BMF: variants seen among roughly 807,000 people sequenced by gnomAD.
The protein encoded by BMF is bcl-2-modifying factor.
BMF carries 10 observed loss-of-function variants against 22.0 expected under a neutral mutation model. The observed-to-expected ratio is 0.45, with a 90% CI of 0.28 to 0.77. BMF has a LOEUF of 0.77. Ranked by LOEUF, BMF falls within the 30% of genes least tolerant of loss-of-function variation. The probability of loss-of-function intolerance (pLI) is 0.13; values close to 1 mark genes in which losing one functional copy is unlikely to be tolerated. For synonymous variants in BMF, 87 were observed against 88.1 expected (o/e 0.99, Z 0.07); for missense variants, 206 against 226.8 (o/e 0.91, Z 0.59).
At chr15:40,100,901 G>GT (rs956453508) in intron 4 of BMF, among the ~76,000 whole-genome samples, 139 of 152,262 alleles carry the variant, frequency 9.1e-4, no homozygotes, top group African/African-American at 3.3e-3. Context: ...ACAAAAAGGG[G>GT]GAGTGCACAC....
intron 3 of BMF, among the ~76,000 whole-genome samples, chr15:40,104,951 T>G (rs906271720): frequency 1.2e-4 from 18 of 152,116 alleles, no homozygotes; most frequent in Non-Finnish European, 2.4e-4. Flanking sequence ...AGTGCACGCG[T>G]TAGAACCACC....
chr15:40,096,177 T>TC (rs1555427850), intron 4 of BMF, among the ~76,000 whole-genome samples: 511 of 147,340 alleles, frequency 3.5e-3, no homozygotes, highest in African/African-American at 0.013. Context: ...TTTTTTTTTT[T>TC]CTCTAAAGAG....
At position 40,103,377 on chromosome 15, in the gene BMF, G is replaced by A. The variant is rs182673252; in HGVS notation, c.453+803C>T. ...TGGCAGCCATCCAGAAAGCCAGCCC[G>A]AAGAGGAAGGGTTAAGTGCCTGGGG... On this transcript the variant is annotated intron_variant, in intron 4 of 4. Coordinates refer to ENST00000354670, the MANE Select transcript of BMF (RefSeq NM_001003940.2). Among the ~76,000 whole-genome samples, 279 of 152,354 alleles carry A rather than the reference G, an allele frequency of 1.8e-3. 1 individual carries two copies. Among genetic ancestry groups the A allele is most frequent in the Admixed American group, 3.3e-3 (51 of 15,308 alleles).
At chr15:40,098,379 G>C (rs2036407955) in intron 4 of BMF, among the ~76,000 whole-genome samples, 1 of 151,456 alleles carries the variant, frequency 6.6e-6, no homozygotes, top group African/African-American at 2.4e-5. Context: ...TTCAAGCTGA[G>C]AACAGCTCCA....
At chr15:40,099,302 G>A (rs1303666802) in intron 4 of BMF, among the ~76,000 whole-genome samples, 1 of 152,226 alleles carries the variant, frequency 6.6e-6, no homozygotes, top group Non-Finnish European at 1.5e-5. Context: ...AATAAACCAT[G>A]CAAACACCAA....
chr15:40,106,145 G>A lies in BMF; in HGVS notation c.-5-54C>T. 6.6e-7 allele frequency: 1 copy of A among 1,517,316 alleles called. No individual in the cohort carries two copies. The highest frequency in any genetic ancestry group is 1.3e-5 in the South Asian group (1 of 77,548). 94.0% of individuals were successfully genotyped at this position (1,517,316 alleles called of 1,614,324 possible). A position where few individuals can be genotyped will look rare whatever the true frequency, so the allele number is the denominator to read the frequency against. On this transcript the variant is annotated intron_variant, in intron 2 of 4. Transcript: ENST00000354670. This position sits in a 1 kb window ranked among gnomAD's most constrained non-coding sequence, Gnocchi z 4.1. ...CTGCTGCCCCACCAGGGCCATACCT[G>A]GAAGGACTCCCCTTCCCTTCTTCCT...
chr15:40,101,959 A>T (rs1595482240), intron 4 of BMF, among the ~76,000 whole-genome samples: 1 of 152,096 alleles, frequency 6.6e-6, no homozygotes, highest in Non-Finnish European at 1.5e-5. Flanking sequence ...GGTACAGGAA[A>T]CCTGGGAGCC....
At position 40,106,229 on chromosome 15, in the gene BMF, T is replaced by C. The variant is rs1178101141; in HGVS notation, c.-5-138A>G. On this transcript the variant is annotated intron_variant, in intron 2 of 4. Transcript: ENST00000354670. This position sits in a 1 kb window ranked among gnomAD's most constrained non-coding sequence, Gnocchi z 4.1. ...ACCACATACTGATGACATACAACCC[T>C]GGTAATAAAGCACTGCTAAGGGTGA... 1.0e-6 allele frequency: 1 copy of C among 969,566 alleles called. No individual in the cohort carries two copies. Among genetic ancestry groups the C allele is most frequent in the Non-Finnish European group, 1.5e-6 (1 of 678,818 alleles). 60.1% of individuals were successfully genotyped at this position (969,566 alleles called of 1,614,324 possible). A position where few individuals can be genotyped will look rare whatever the true frequency, so the allele number is the denominator to read the frequency against.
rs1389246490 is a variant in BMF at position 40,091,787 on chromosome 15, T to A, written c.555A>T (p.Ter185CysextTer24). The A allele has an allele frequency of 6.2e-7, 1 of 1,603,426 alleles. No homozygotes were observed. Among genetic ancestry groups the A allele is most frequent in the Admixed American group, 1.7e-5 (1 of 59,130 alleles). ...EENRNGAGPR[*>C] Reference sequence around the variant, plus strand: ...CCCATGTGAAGAGGGCAGCCCACCCTCACCTAGGGCCTGCCCCGTTCCTGT... The same window carrying A: ...CCCATGTGAAGAGGGCAGCCCACCCACACCTAGGGCCTGCCCCGTTCCTGT... Residue 185 changes from the stop codon to cysteine, a stop_lost, in exon 5 of 5, where the codon TGA becomes TGT. Coordinates refer to ENST00000354670, the MANE Select transcript of BMF (RefSeq NM_001003940.2).
intron 4 of BMF, among the ~76,000 whole-genome samples, chr15:40,098,202 T>C (rs1441491812): frequency 6.6e-6 from 1 of 152,190 alleles, no homozygotes; most frequent in Non-Finnish European, 1.5e-5. Context: ...CAGTGGAAGA[T>C]GGCAAGGCTT....
Position 40,104,278 on chromosome 15 carries a change from G to A in BMF, c.355C>T (p.Gln119Ter). 2 of 1,614,226 alleles carry A rather than the reference G, an allele frequency of 1.2e-6. No individual in the cohort carries two copies. Among genetic ancestry groups the A allele is most frequent in the Non-Finnish European group, 1.7e-6 (2 of 1,180,040 alleles). Reference sequence around the variant, plus strand: ...TGTTGCCACTGCCCTTCGGGGGGCTGCTCCCCAATGGGCAAGACTGCTGGG... The same window carrying A: ...TGTTGCCACTGCCCTTCGGGGGGCTACTCCCCAATGGGCAAGACTGCTGGG... Reference protein sequence around the residue: ...SFPAVLPIGEQPPEGQWQHQA... With the variant: ...SFPAVLPIGE Residue 119 changes from glutamine (Q) to a stop codon, truncating the protein, a stop_gained, in exon 4 of 5, where the codon CAG (glutamine) becomes TAG (stop). Coordinates refer to ENST00000354670, the MANE Select transcript of BMF (RefSeq NM_001003940.2). LOFTEE classifies it high-confidence loss of function.
At chr15:40,093,507 A>C (rs1322130006) in intron 4 of BMF, among the ~76,000 whole-genome samples, 1 of 152,218 alleles carries the variant, frequency 6.6e-6, no homozygotes, top group African/African-American at 2.4e-5. Flanking sequence ...GGTTAGAGTA[A>C]AACAGCGTGA....
At position 40,089,912 on chromosome 15, in the gene BMF, C is replaced by A. The variant is rs1051401245; in HGVS notation, c.*1875G>T. On this transcript the variant is annotated 3_prime_UTR_variant, in exon 5 of 5. Coordinates refer to ENST00000354670, the MANE Select transcript of BMF (RefSeq NM_001003940.2). ...GGCTCCTTCTCTGCAAAGCAGGAACCCGTCTTCTTAGCAGACAAATCATGG... is the reference window on the plus strand; with the variant it reads ...GGCTCCTTCTCTGCAAAGCAGGAACACGTCTTCTTAGCAGACAAATCATGG... The A allele has an allele frequency of 6.6e-6, 1 of 152,648 alleles. No homozygotes were observed. The highest frequency in any genetic ancestry group is 2.4e-5 in the African/African-American group (1 of 41,458). 9.5% of individuals were successfully genotyped at this position (152,648 alleles called of 1,614,324 possible). A position where few individuals can be genotyped will look rare whatever the true frequency, so the allele number is the denominator to read the frequency against.
At chr15:40,104,384 C>G (rs142269387) in intron 3 of BMF, 44 bp from the exon 4 acceptor site, 1 of 1,606,352 alleles carries the variant, frequency 6.2e-7, no homozygotes, top group East Asian at 2.2e-5. Flanking sequence ...TCCACAACTG[C>G]TCCAACCTCC....
In BMF at chr15:40,088,955, T is replaced by C. The variant is rs1472943581; in HGVS notation, c.*2832A>G. ...ACTTCTAGAAACCCCTGCTTTGGGGTTGTGAATTAGAAGGGCTGTTTTGAC... is the reference window on the plus strand; with the variant it reads ...ACTTCTAGAAACCCCTGCTTTGGGGCTGTGAATTAGAAGGGCTGTTTTGAC... On this transcript the variant is annotated 3_prime_UTR_variant, in exon 5 of 5. Transcript: ENST00000354670. 1.3e-5 allele frequency: 2 copies of C among 152,576 alleles called. No individual in the cohort carries two copies. Among genetic ancestry groups the C allele is most frequent in the Non-Finnish European group, 2.9e-5 (2 of 68,010 alleles). The allele number at this position is 152,576 out of a possible 1,614,324, so 9.5% of individuals were successfully genotyped here. A position where few individuals can be genotyped will look rare whatever the true frequency, so the allele number is the denominator to read the frequency against.
intron 4 of BMF, among the ~76,000 whole-genome samples, chr15:40,103,452 A>G (rs1045575683): frequency 6.6e-6 from 1 of 152,236 alleles, no homozygotes; most frequent in East Asian, 1.9e-4. Flanking sequence ...CCTCCAGGCC[A>G]TGGCACAGAG....
intron 4 of BMF, among the ~76,000 whole-genome samples, chr15:40,101,717 A>G (rs1285857679): frequency 6.6e-6 from 1 of 152,204 alleles, no homozygotes; most frequent in African/African-American, 2.4e-5. Context: ...TGAAGCCATC[A>G]CCTTAGCCCT....
At chr15:40,094,369 G>A (rs2036311751) in intron 4 of BMF, among the ~76,000 whole-genome samples, 1 of 152,180 alleles carries the variant, frequency 6.6e-6, no homozygotes, top group African/African-American at 2.4e-5. Flanking sequence ...CTAGGTGCAG[G>A]AGGCAGGATA....
At chr15:40,092,328 G>C (rs574056670) in intron 4 of BMF, among the ~76,000 whole-genome samples, 1 of 152,144 alleles carries the variant, frequency 6.6e-6, no homozygotes, top group Non-Finnish European at 1.5e-5. Flanking sequence ...AAGGGGAAAG[G>C]GGGGGCCTCC....
Sources: allele counts gnomAD v4.1 joint callset (sites outside exome capture counted in the v4.1 genomes callset), GRCh38; gene constraint gnomAD v4.1.1; non-coding constraint Gnocchi (gnomAD v3.1); transcripts MANE v1.5; gene names NCBI Gene and HGNC (gene_info 2026-07-23, HGNC 2026-07-21).